SLC38A1: variants seen among roughly 807,000 people sequenced by gnomAD.
The protein encoded by SLC38A1 is solute carrier family 38 member 1.
Under a neutral mutation model 60.3 loss-of-function variants are expected in SLC38A1, and 18 were observed. The ratio of observed to expected loss-of-function variants is 0.30; its 90% CI spans 0.21 to 0.44. The LOEUF is 0.44. Among genes scored for constraint, SLC38A1 ranks in the 20% least tolerant of loss-of-function variants. The pLI is 1.00. For missense variants in SLC38A1, 448 were observed against 587.2 expected (o/e 0.76, Z 2.45); for synonymous variants, 196 against 212.1 (o/e 0.92, Z 0.66).
chr12:46,185,440 T>C lies in SLC38A1; in HGVS notation c.*3530A>G, dbSNP rs1297613893. ...GGTGCTTCTTTTTCTCAACAGGGTC[T>C]GTAACTGTAAAAAAGGAAAGTGGGT... On this transcript the variant is annotated 3_prime_UTR_variant, in exon 17 of 17. Transcript: ENST00000398637. 2 of 152,134 alleles carry C rather than the reference T, an allele frequency of 1.3e-5. No individual in the cohort carries two copies. The highest frequency in any genetic ancestry group is 2.9e-5 in the Non-Finnish European group (2 of 68,026). The allele number at this position is 152,134 out of a possible 1,614,324, so 9.4% of individuals were successfully genotyped here.
chr12:46,217,174 T>A (rs1940451505), intron 5 of SLC38A1, among the ~76,000 whole-genome samples: 1 of 152,220 alleles, frequency 6.6e-6, no homozygotes, highest in South Asian at 2.1e-4. Flanking sequence ...ATTACTATCC[T>A]TATTTTACAG....
At chr12:46,219,594 A>G (rs915802781) in intron 5 of SLC38A1, among the ~76,000 whole-genome samples, 6 of 152,196 alleles carry the variant, frequency 3.9e-5, no homozygotes, top group Admixed American at 2.0e-4. Flanking sequence ...TAACTGGCCC[A>G]CAAAGGAGTA....
At chr12:46,256,788 T>G (rs1942045798) in intron 1 of SLC38A1, among the ~76,000 whole-genome samples, 1 of 152,052 alleles carries the variant, frequency 6.6e-6, no homozygotes, top group Non-Finnish European at 1.5e-5. Context: ...CAAAGGAAAA[T>G]TATCTTTTTC....
chr12:46,189,772 T>C (rs554294415), intron 16 of SLC38A1, among the ~76,000 whole-genome samples: 1 of 152,180 alleles, frequency 6.6e-6, no homozygotes, highest in South Asian at 2.1e-4. Context: ...TGAGATCTGG[T>C]GGTTTTATAA....
rs185161429 is a variant in SLC38A1, at chr12:46,267,272, C to T, written c.-209+1254G>A. On this transcript the variant is annotated intron_variant, in intron 1 of 16. Coordinates refer to ENST00000398637, the MANE Select transcript of SLC38A1 (RefSeq NM_030674.4). The stretch of plus-strand genomic sequence containing the variant: ...TTTTCACTTTTGCTACACACATCAC[C>T]GCGGATTCGTCCGAGAAAGTACGTG... 3.3e-5 allele frequency: 5 copies of T among 152,232 alleles called. No homozygotes were observed. The East Asian group carries it at 9.6e-4, about 29-fold the overall frequency. The allele number at this position is 152,232 out of a possible 1,614,324, so 9.4% of individuals were successfully genotyped here.
chr12:46,229,138 CACGTCAAT>C lies in SLC38A1; in HGVS notation c.314+7_314+14del, dbSNP rs1264168334. On this transcript the variant is annotated splice_region_variant and intron_variant, in intron 5 of 16. Transcript: ENST00000398637. ...TCAGTTTTAAAATGGAAAGTACCGG[CACGTCAAT>C]ACTCACAGAAAAAGTAGGATTCCAG... 4 of 1,480,236 alleles carry C rather than the reference CACGTCAAT, an allele frequency of 2.7e-6. No homozygotes were observed. The highest frequency in any genetic ancestry group is 2.8e-6 in the Non-Finnish European group (3 of 1,062,978). The allele number at this position is 1,480,236 out of a possible 1,614,324, so 91.7% of individuals were successfully genotyped here.
chr12:46,239,235 A>G (rs1446239583), intron 3 of SLC38A1: 2 of 152,756 alleles, frequency 1.3e-5, no homozygotes, highest in African/African-American at 4.8e-5. Flanking sequence ...TTCAAATTAT[A>G]TCTTCAAATG....
intron 5 of SLC38A1, among the ~76,000 whole-genome samples, chr12:46,223,270 T>C (rs985109317): frequency 6.6e-6 from 1 of 152,214 alleles, no homozygotes; most frequent in South Asian, 2.1e-4. Flanking sequence ...GGCTAATACC[T>C]ACCTCATAAT....
intron 11 of SLC38A1, among the ~76,000 whole-genome samples, chr12:46,203,809 C>T (rs1038543152): frequency 3.3e-5 from 5 of 152,186 alleles, no homozygotes; most frequent in African/African-American, 7.2e-5. Flanking sequence ...TATTTTTACT[C>T]AAGGGGTTGG....
intron 5 of SLC38A1, among the ~76,000 whole-genome samples, chr12:46,218,265 A>G (rs1459615147): frequency 6.6e-6 from 1 of 151,982 alleles, no homozygotes; most frequent in African/African-American, 2.4e-5. Context: ...CCCACTCCAC[A>G]AGGACAAGTC....
intron 5 of SLC38A1, among the ~76,000 whole-genome samples, chr12:46,227,305 C>T (rs890114501): frequency 1.3e-5 from 2 of 152,086 alleles, no homozygotes; most frequent in Admixed American, 6.5e-5. Flanking sequence ...AATAACAGCA[C>T]ATAAGTAAAT....
In SLC38A1 at chr12:46,239,844, C is replaced by T. The variant is rs745861440; in HGVS notation, c.-44G>A. The T allele has an allele frequency of 1.2e-6, 2 of 1,606,616 alleles. No individual in the cohort carries two copies. Among genetic ancestry groups the T allele is most frequent in the Admixed American group, 3.3e-5 (2 of 59,932 alleles). ...GTTTGAAAATTAGTCCAAATTTCTC[C>T]TGTTCTGAGTGTATTTAGAAGTAGA... On this transcript the variant is annotated 5_prime_UTR_variant, in exon 3 of 17. Transcript: ENST00000398637.
chr12:46,232,240 C>T (rs577518737), intron 3 of SLC38A1, among the ~76,000 whole-genome samples: 5 of 152,226 alleles, frequency 3.3e-5, no homozygotes, highest in African/African-American at 9.6e-5. Context: ...AGCTGACATT[C>T]GGACAAGGAG....
At chr12:46,199,442 T>C (rs1329991014) in intron 13 of SLC38A1, among the ~76,000 whole-genome samples, 1 of 151,594 alleles carries the variant, frequency 6.6e-6, no homozygotes, top group African/African-American at 2.4e-5. Flanking sequence ...CTCTGCTTCA[T>C]GGGCACAAGC....
chr12:46,189,560 CA>C, intron 16 of SLC38A1, among the ~76,000 whole-genome samples: 1 of 152,128 alleles, frequency 6.6e-6, no homozygotes, highest in Non-Finnish European at 1.5e-5. Context: ...AAACAGGTGT[CA>C]AAAACTAAGT....
intron 1 of SLC38A1, among the ~76,000 whole-genome samples, chr12:46,258,146 T>C (rs911289047): frequency 6.6e-6 from 1 of 152,152 alleles, no homozygotes; most frequent in Non-Finnish European, 1.5e-5. Context: ...TCATCTTGGT[T>C]TTGGTGGGTT....
chr12:46,183,536 A>T lies in SLC38A1; in HGVS notation c.*5434T>A, dbSNP rs961122229. On this transcript the variant is annotated 3_prime_UTR_variant, in exon 17 of 17. Transcript: ENST00000398637. Reference sequence around the variant, plus strand: ...CCTCTCCCCGCTTTCATAGATCCCAAAGTTTGAGAAATGCAGCAATTCAAT... The same window carrying T: ...CCTCTCCCCGCTTTCATAGATCCCATAGTTTGAGAAATGCAGCAATTCAAT... 2.6e-5 allele frequency: 4 copies of T among 152,150 alleles called. No homozygotes were observed. Among genetic ancestry groups the T allele is most frequent in the African/African-American group, 9.7e-5 (4 of 41,440 alleles). The allele number at this position is 152,150 out of a possible 1,614,324, so 9.4% of individuals were successfully genotyped here.
chr12:46,191,299 G>A (rs1246961161), intron 16 of SLC38A1, among the ~76,000 whole-genome samples: 1 of 152,172 alleles, frequency 6.6e-6, no homozygotes, highest in African/African-American at 2.4e-5. Context: ...CATATTATCT[G>A]TTTTGGTACC....
Position 46,188,905 on chromosome 12 carries a change from A to G in SLC38A1, c.*65T>C. The G allele has an allele frequency of 7.8e-7, 1 of 1,281,002 alleles. No homozygotes were observed. The highest frequency in any genetic ancestry group is 1.1e-6 in the Non-Finnish European group (1 of 887,362). 79.4% of individuals were successfully genotyped at this position (1,281,002 alleles called of 1,614,324 possible). On this transcript the variant is annotated 3_prime_UTR_variant, in exon 17 of 17. Coordinates refer to ENST00000398637, the MANE Select transcript of SLC38A1 (RefSeq NM_030674.4). ...GTAAACTTGCAAAAGAAGTGGTGAGAGATTGCTGATGTGTGGGGACTTGAC... is the reference window on the plus strand; with the variant it reads ...GTAAACTTGCAAAAGAAGTGGTGAGGGATTGCTGATGTGTGGGGACTTGAC...
Sources: allele counts gnomAD v4.1 joint callset (sites outside exome capture counted in the v4.1 genomes callset), GRCh38; gene constraint gnomAD v4.1.1; transcripts MANE v1.5; gene names NCBI Gene and HGNC (gene_info 2026-07-23, HGNC 2026-07-21).